The following IL19 variants were observed in gnomAD, a reference collection of about 807,000 sequenced individuals.
The protein encoded by IL19 is interleukin 19.
IL19 carries 15 observed loss-of-function variants against 19.5 expected under a neutral mutation model. The ratio of observed to expected loss-of-function variants is 0.77; its 90% CI spans 0.52 to 1.19. IL19 has a LOEUF of 1.19. Ranked by LOEUF, IL19 falls within the 50% of genes most tolerant of loss-of-function variation. The probability of loss-of-function intolerance (pLI) is 0.00; values close to 1 mark genes in which losing one functional copy is unlikely to be tolerated. For missense variants in IL19, 199 were observed against 213.1 expected, an observed-to-expected ratio of 0.93 and a Z score of 0.41; for synonymous variants, 78 against 78.3, an observed-to-expected ratio of 1.00 and a Z score of 0.02.
At chr1:206,809,693 A>G (rs1675950395) in intron 2 of IL19, among the ~76,000 whole-genome samples, 1 of 152,208 alleles carries the variant, frequency 6.6e-6, no homozygotes, top group South Asian at 2.1e-4. Flanking sequence ...ATGGCACTGT[A>G]GCAGCCTGGG....
intron 2 of IL19, among the ~76,000 whole-genome samples, chr1:206,836,234 T>A (rs145500640): frequency 2.1e-3 from 325 of 152,236 alleles, no homozygotes; most frequent in African/African-American, 7.4e-3. Flanking sequence ...AAAAACCAAG[T>A]GTGTTTTTAT....
intron 2 of IL19, among the ~76,000 whole-genome samples, chr1:206,832,282 G>A (rs1432680993): frequency 6.6e-6 from 1 of 152,242 alleles, no homozygotes; most frequent in Non-Finnish European, 1.5e-5. Context: ...CTATGACACA[G>A]GTCCTTTAGC....
At chr1:206,821,477 A>T (rs555988886) in intron 2 of IL19, among the ~76,000 whole-genome samples, 1 of 152,138 alleles carries the variant, frequency 6.6e-6, no homozygotes, top group Non-Finnish European at 1.5e-5. Flanking sequence ...TTGCTCTCCC[A>T]TTAGGGTTTT....
At position 206,836,658 on chromosome 1, in the gene IL19, C is replaced by T. The variant is rs1459798985; in HGVS notation, c.-2-3C>T. 7 of 1,594,322 alleles carry T rather than the reference C, an allele frequency of 4.4e-6. No homozygotes were observed. The highest frequency in any genetic ancestry group is 6.0e-6 in the Non-Finnish European group (7 of 1,170,452). ...GACAGCTGACTTCCTCTCCTTTCTG[C>T]AGGCATGAAGTTACAGTGTGTTTCC... On this transcript the variant is annotated splice_region_variant and splice_polypyrimidine_tract_variant and intron_variant, in intron 2 of 6. Transcript: ENST00000659997.
intron 4 of IL19, among the ~76,000 whole-genome samples, chr1:206,837,903 C>T (rs556256920): frequency 3.9e-5 from 6 of 152,216 alleles, no homozygotes; most frequent in African/African-American, 1.4e-4. Flanking sequence ...GACTTGGAAT[C>T]CCTGGGAGGA....
chr1:206,782,809 A>C (rs116896180), intron 1 of IL19, among the ~76,000 whole-genome samples: 5 of 152,312 alleles, frequency 3.3e-5, no homozygotes, highest in Admixed American at 3.3e-4. Context: ...GACAGGCTCT[A>C]CTGCAGGCTT....
At chr1:206,794,206 C>G (rs544167377) in intron 1 of IL19, among the ~76,000 whole-genome samples, 1 of 152,318 alleles carries the variant, frequency 6.6e-6, no homozygotes, top group South Asian at 2.1e-4. Flanking sequence ...TCATATGAAC[C>G]TTTCAGTTTC....
At chr1:206,830,789 G>C (rs560321255) in intron 2 of IL19, among the ~76,000 whole-genome samples, 2 of 152,186 alleles carry the variant, frequency 1.3e-5, no homozygotes, top group Non-Finnish European at 2.9e-5. Context: ...ACATTGGCTA[G>C]GATGGTCTCG....
rs76513170 is a variant in IL19, at chr1:206,798,962, A to T, written c.-47A>T. The T allele has an allele frequency of 6.2e-7, 1 of 1,614,034 alleles. No homozygotes were observed. Among genetic ancestry groups the T allele is most frequent in the Non-Finnish European group, 8.5e-7 (1 of 1,179,952 alleles). On this transcript the variant is annotated 5_prime_UTR_variant, in exon 2 of 7. Transcript: ENST00000659997. ...TTACCACTCACACATGTGCACACAC[A>T]TATCCATGTGTGTGTGCCAGTGCTT...
intron 6 of IL19, among the ~76,000 whole-genome samples, chr1:206,842,216 G>T (rs1443832309): frequency 2.6e-5 from 4 of 151,978 alleles, no homozygotes; most frequent in Non-Finnish European, 4.4e-5. Flanking sequence ...AAAATCAGCG[G>T]AACTGGCCAG....
At chr1:206,825,357 TTGAA>T (rs1676401880) in intron 2 of IL19, among the ~76,000 whole-genome samples, 1 of 152,256 alleles carries the variant, frequency 6.6e-6, no homozygotes, top group African/African-American at 2.4e-5. Flanking sequence ...GTCAAAATGA[TTGAA>T]TTGCCTTTGA....
chr1:206,770,852 T>G lies in IL19; in HGVS notation c.-375T>G. The G allele has an allele frequency of 6.5e-7, 1 of 1,540,540 alleles. No individual in the cohort carries two copies. Among genetic ancestry groups the G allele is most frequent in the Non-Finnish European group, 9.0e-7 (1 of 1,112,146 alleles). ...GGATGTGAGTGTCCCTGCTGGTCTG[T>G]AGGAGATGGTATTTTGGGGGCAGCT... On this transcript the variant is annotated 5_prime_UTR_variant, in exon 1 of 7. Transcript: ENST00000659997.
chr1:206,814,413 T>A (rs948086448), intron 2 of IL19, among the ~76,000 whole-genome samples: 3 of 150,324 alleles, frequency 2.0e-5, no homozygotes, highest in African/African-American at 7.4e-5. Flanking sequence ...GCTTTGGGCC[T>A]GGCGTGGTGG....
At chr1:206,834,354 G>A in intron 2 of IL19, 1 of 985,652 alleles carries the variant, frequency 1.0e-6, no homozygotes, top group African/African-American at 1.7e-5. Context: ...ATGGCAGAGA[G>A]CACTGAGAGG....
intron 2 of IL19, among the ~76,000 whole-genome samples, chr1:206,828,159 T>A (rs967445374): frequency 0.011 from 14 of 1,250 alleles, no homozygotes; most frequent in Non-Finnish European, 8.0e-3. Flanking sequence ...CCACCACTTA[T>A]AATTACAGAA....
At chr1:206,821,427 C>T (rs1008630658) in intron 2 of IL19, among the ~76,000 whole-genome samples, 17 of 152,198 alleles carry the variant, frequency 1.1e-4, no homozygotes, top group Admixed American at 7.2e-4. Context: ...ACGATGCTTG[C>T]GGCTTTCAGG....
Position 206,770,830 on chromosome 1 carries a change from T to A in IL19, c.-397T>A, listed in dbSNP as rs1558602719. Reference sequence around the variant, plus strand: ...TCTGTGTCTTTGCTGTGTCTGTGGATGTGAGTGTCCCTGCTGGTCTGTAGG... The same window carrying A: ...TCTGTGTCTTTGCTGTGTCTGTGGAAGTGAGTGTCCCTGCTGGTCTGTAGG... On this transcript the variant is annotated 5_prime_UTR_variant, in exon 1 of 7. It removes an upstream start codon present in the reference 5' UTR. Coordinates refer to ENST00000659997, the MANE Select transcript of IL19 (RefSeq NM_153758.5). The A allele has an allele frequency of 7.3e-7, 1 of 1,362,898 alleles. No individual in the cohort carries two copies. 84.4% of individuals were successfully genotyped at this position (1,362,898 alleles called of 1,614,324 possible).
chr1:206,836,144 G>C (rs1676786871), intron 2 of IL19, among the ~76,000 whole-genome samples: 1 of 152,132 alleles, frequency 6.6e-6, no homozygotes, highest in African/African-American at 2.4e-5. Context: ...TCCACAGCTG[G>C]CTTCAAACAA....
Position 206,771,040 on chromosome 1 carries a change from G to A in IL19, c.-187G>A, listed in dbSNP as rs1422818800. 1.2e-6 allele frequency: 2 copies of A among 1,614,008 alleles called. No homozygotes were observed. Among genetic ancestry groups the A allele is most frequent in the African/African-American group, 2.7e-5 (2 of 74,894 alleles). ...GTAAAACTGGATCATCTCAGACAAG[G>A]CTTGGCAACCCAGGTAACCCTAAGG... On this transcript the variant is annotated 5_prime_UTR_variant, in exon 1 of 7. Coordinates refer to ENST00000659997, the MANE Select transcript of IL19 (RefSeq NM_153758.5).
Sources: allele counts gnomAD v4.1 joint callset (sites outside exome capture counted in the v4.1 genomes callset), GRCh38; gene constraint gnomAD v4.1.1; transcripts MANE v1.5; gene names NCBI Gene and HGNC (gene_info 2026-07-23, HGNC 2026-07-21).